The following PSMA5 variants were observed in gnomAD, a reference collection of about 807,000 sequenced individuals.
The protein encoded by PSMA5 is proteasome subunit alpha type-5.
In PSMA5, 3 loss-of-function variants were observed where a neutral mutation model predicts 34.5. The observed-to-expected ratio is 0.09, with a 90% CI of 0.04 to 0.22. The LOEUF (loss-of-function observed/expected upper bound fraction) is 0.22, where lower values mean the gene tolerates loss of function less well. PSMA5 is among the 10% of genes least tolerant of loss of function. The pLI, the probability that PSMA5 is intolerant of heterozygous loss-of-function variation, is 1.00. For synonymous variants in PSMA5, 88 were observed against 95.8 expected (o/e 0.92, Z 0.47); for missense variants, 120 against 286.1 (o/e 0.42, Z 4.19).
intron 3 of PSMA5, 132 bp downstream of exon 3, chr1:109,415,105 C>T: frequency 8.8e-7 from 1 of 1,132,274 alleles, no homozygotes; most frequent in Non-Finnish European, 1.2e-6. Flanking sequence ...TTTACGCATT[C>T]TGGCCTACTG....
rs1452925666 is a variant in PSMA5 at position 109,400,012 on chromosome 1, C to G, written c.*2001G>C. ...ACCATTGCTGTTCGTAGTAAGATCACTTCTTTAACCTAAGAAAGCTTGTTT... is the reference window on the plus strand; with the variant it reads ...ACCATTGCTGTTCGTAGTAAGATCAGTTCTTTAACCTAAGAAAGCTTGTTT... On this transcript the variant is annotated 3_prime_UTR_variant, in exon 9 of 9. Transcript: ENST00000271308. 1.3e-5 allele frequency: 2 copies of G among 152,156 alleles called. No homozygotes were observed. Among genetic ancestry groups the G allele is most frequent in the African/African-American group, 2.4e-5 (1 of 41,424 alleles). 9.4% of individuals were successfully genotyped at this position (152,156 alleles called of 1,614,324 possible).
rs1653498948 is a variant in PSMA5 at position 109,401,084 on chromosome 1, A to C, written c.*929T>G. The C allele has an allele frequency of 6.6e-6, 1 of 152,210 alleles. No homozygotes were observed. Among genetic ancestry groups the C allele is most frequent in the South Asian group, 2.1e-4 (1 of 4,830 alleles). The allele number at this position is 152,210 out of a possible 1,614,324, so 9.4% of individuals were successfully genotyped here. On this transcript the variant is annotated 3_prime_UTR_variant, in exon 9 of 9. Coordinates refer to ENST00000271308, the MANE Select transcript of PSMA5 (RefSeq NM_002790.4). Reference sequence around the variant, plus strand: ...TCCCGTGGTAATTTTTGAGGCTGAGATAGAATGATTCTTTAAACAATCTCC... The same window carrying C: ...TCCCGTGGTAATTTTTGAGGCTGAGCTAGAATGATTCTTTAAACAATCTCC...
chr1:109,412,385 C>A, intron 4 of PSMA5: 1 of 528,394 alleles, frequency 1.9e-6, no homozygotes, highest in Non-Finnish European at 3.4e-6. Context: ...CACAAGGACT[C>A]TACGCAACGA....
In PSMA5 at chr1:109,413,049, G is replaced by C; in HGVS notation, c.291+19C>G. 6.2e-7 allele frequency: 1 copy of C among 1,607,894 alleles called. No homozygotes were observed. Among genetic ancestry groups the C allele is most frequent in the Non-Finnish European group, 8.5e-7 (1 of 1,174,526 alleles). ...GGAACTCAAGCATCCTGGTAAAAAG[G>C]AGATAATGCCAATTTTACCTGTGTC... On this transcript the variant is annotated intron_variant, in intron 4 of 8. Transcript: ENST00000271308.
intron 2 of PSMA5, 125 bp downstream of exon 2, chr1:109,421,735 G>C (rs1654454058): frequency 1.3e-6 from 1 of 747,528 alleles, no homozygotes; most frequent in Non-Finnish European, 2.2e-6. Context: ...GTTAACAGTG[G>C]TTGCTTAAAG....
chr1:109,420,077 T>A (rs1223746422), intron 2 of PSMA5, among the ~76,000 whole-genome samples: 3 of 151,970 alleles, frequency 2.0e-5, no homozygotes, highest in Non-Finnish European at 4.4e-5. Context: ...TTATTGATCA[T>A]CCTAAATTAA....
At chr1:109,419,963 A>G (rs1286762275) in intron 2 of PSMA5, among the ~76,000 whole-genome samples, 5 of 146,672 alleles carry the variant, frequency 3.4e-5, no homozygotes. Context: ...ACAGAGCAAG[A>G]CTCTGTCTCA....
chr1:109,412,446 A>T, intron 4 of PSMA5: 1 of 363,696 alleles, frequency 2.7e-6, no homozygotes, highest in Non-Finnish European at 5.0e-6. Flanking sequence ...TCAAAGCACC[A>T]AGTTTACTCT....
chr1:109,413,775 C>T (rs1654093453), intron 3 of PSMA5, among the ~76,000 whole-genome samples: 1 of 152,194 alleles, frequency 6.6e-6, no homozygotes, highest in Non-Finnish European at 1.5e-5. Flanking sequence ...CATTTCCCTT[C>T]CAGACCCCGT....
Position 109,415,222 on chromosome 1 carries a change from T to C in PSMA5, c.223+15A>G, listed in dbSNP as rs1369250935. ...CAGACCAGATCCTACAGAACAGCTT[T>C]CCTCCACTCCTTACCTATGTGAGCA... On this transcript the variant is annotated intron_variant, in intron 3 of 8. Transcript: ENST00000271308. 2 of 1,609,954 alleles carry C rather than the reference T, an allele frequency of 1.2e-6. No homozygotes were observed. The highest frequency in any genetic ancestry group is 8.5e-7 in the Non-Finnish European group (1 of 1,177,436).
intron 2 of PSMA5, among the ~76,000 whole-genome samples, chr1:109,416,858 A>G (rs1395272546): frequency 1.3e-5 from 2 of 152,192 alleles, no homozygotes; most frequent in Non-Finnish European, 2.9e-5. Flanking sequence ...TAATCCCAGC[A>G]CTTTGGGAGG....
At chr1:109,403,154 T>C (rs1653605395) in intron 8 of PSMA5, among the ~76,000 whole-genome samples, 1 of 152,000 alleles carries the variant, frequency 6.6e-6, no homozygotes. Flanking sequence ...AAAACTAGGG[T>C]CAGAAGATGG....
chr1:109,417,871 A>AACC (rs1654278998), intron 2 of PSMA5, among the ~76,000 whole-genome samples: 1 of 152,186 alleles, frequency 6.6e-6, no homozygotes, highest in Non-Finnish European at 1.5e-5. Context: ...TCAGGAAAAA[A>AACC]ACCACTCATC....
intron 1 of PSMA5, among the ~76,000 whole-genome samples, chr1:109,425,076 AAAAG>A (rs1163951002): frequency 6.6e-6 from 1 of 152,316 alleles, no homozygotes; most frequent in African/African-American, 2.4e-5. Flanking sequence ...AGACTGTCTC[AAAAG>A]AGTCTCCTAT....
At chr1:109,413,036 T>A in intron 4 of PSMA5, 32 bp downstream of exon 4, 1 of 1,578,522 alleles carries the variant, frequency 6.3e-7, no homozygotes, top group Non-Finnish European at 8.7e-7. Flanking sequence ...AACTCAAGCA[T>A]CCTGGTAAAA....
rs571253647 is a variant in PSMA5 at position 109,424,991 on chromosome 1, C to A, written c.29+1311G>T. Among the ~76,000 whole-genome samples, 130 of 139,880 alleles carry A rather than the reference C, an allele frequency of 9.3e-4. 1 individual carries two copies. The highest frequency in any genetic ancestry group is 4.1e-3 in the African/African-American group (123 of 29,870). The allele number at this position is 139,880 out of a possible 152,430, so 91.8% of individuals were successfully genotyped here. A position where few individuals can be genotyped will look rare whatever the true frequency, so the allele number is the denominator to read the frequency against. On this transcript the variant is annotated intron_variant, in intron 1 of 8. Coordinates refer to ENST00000271308, the MANE Select transcript of PSMA5 (RefSeq NM_002790.4). ...ACAGAGCGAGACTCCGTCTCAAAAACAAACAAAACCCAGGAGGGGGAGGTT... is the reference window on the plus strand; with the variant it reads ...ACAGAGCGAGACTCCGTCTCAAAAAAAAACAAAACCCAGGAGGGGGAGGTT...
At chr1:109,425,078 A>G (rs75637408) in intron 1 of PSMA5, among the ~76,000 whole-genome samples, 1 of 152,316 alleles carries the variant, frequency 6.6e-6, no homozygotes, top group Admixed American at 6.5e-5. Context: ...ACTGTCTCAA[A>G]AGAGTCTCCT....
At chr1:109,408,587 T>C (rs1465928561) in intron 8 of PSMA5, among the ~76,000 whole-genome samples, 12 of 152,240 alleles carry the variant, frequency 7.9e-5, no homozygotes, top group Admixed American at 7.9e-4. Flanking sequence ...CTCAATATGA[T>C]GCTGAATGAA....
At chr1:109,420,933 C>A (rs1168353814) in intron 2 of PSMA5, among the ~76,000 whole-genome samples, 1 of 150,918 alleles carries the variant, frequency 6.6e-6, no homozygotes, top group Non-Finnish European at 1.5e-5. Flanking sequence ...TAAATCCCAA[C>A]ACTTTGAGAG....
Sources: gnomAD v4.1 joint callset for allele counts (sites outside exome capture counted in the v4.1 genomes callset) on GRCh38, gnomAD v4.1.1 for gene constraint, MANE v1.5 for transcripts, NCBI Gene and HGNC (gene_info 2026-07-23, HGNC 2026-07-21) for gene names.